Variants in NANS observed in about 807,000 individuals in gnomAD.
The protein encoded by NANS is N-acetylneuraminate synthase, also known as N-acetylneuraminate-9-phosphate synthase.
A neutral mutation model predicts 33.3 loss-of-function variants in NANS; 29 were observed. The ratio of observed to expected loss-of-function variants is 0.87; its 90% CI spans 0.65 to 1.19. The LOEUF (loss-of-function observed/expected upper bound fraction) is 1.19, where lower values mean the gene tolerates loss of function less well. NANS is among the 50% of genes most tolerant of loss of function. The pLI, the probability that NANS is intolerant of heterozygous loss-of-function variation, is 0.00. For synonymous variants in NANS, 163 were observed against 177.2 expected (o/e 0.92, Z 0.64); for missense variants, 394 against 461.1 (o/e 0.85, Z 1.33).
chr9:98,061,034 C>T, intron 2 of NANS, 37 bp downstream of exon 2: 1 of 1,603,374 alleles, frequency 6.2e-7, no homozygotes, highest in African/African-American at 1.3e-5. Context: ...GTCACTTTAG[C>T]AGACCAAGGG....
In NANS at chr9:98,078,250, A is replaced by G; in HGVS notation, c.506A>G (p.Tyr169Cys). 1 of 1,614,158 alleles carries G rather than the reference A, an allele frequency of 6.2e-7. No individual in the cohort carries two copies. The change falls in exon 4 of 6, where the codon TAT becomes TGT. Residue 169 changes from tyrosine (Y) to cysteine (C), a missense_variant. Tyr to Cys is a radical substitution (Grantham distance 194). Coordinates refer to ENST00000210444, the MANE Select transcript of NANS (RefSeq NM_018946.4). ...TCAATGGACACCATGAAGCAAGTTTATCAGATCGTGAAGCCCCTCAACCCC... is the reference window on the plus strand; with the variant it reads ...TCAATGGACACCATGAAGCAAGTTTGTCAGATCGTGAAGCCCCTCAACCCC... ...MQSMDTMKQV[Y>C]QIVKPLNPNF...
intron 2 of NANS, chr9:98,076,536 G>A (rs1224063832): frequency 2.1e-5 from 4 of 192,212 alleles, no homozygotes; most frequent in South Asian, 8.6e-5. Flanking sequence ...CACCACACCC[G>A]GCTAATTTTT....
At chr9:98,077,884 A>T (rs1200364350) in intron 3 of NANS, among the ~76,000 whole-genome samples, 1 of 152,344 alleles carries the variant, frequency 6.6e-6, no homozygotes, top group East Asian at 1.9e-4. Context: ...CTGTACTGCC[A>T]TGGTATACAA....
chr9:98,068,828 T>TA (rs35363398), intron 2 of NANS, among the ~76,000 whole-genome samples: 420 of 143,166 alleles, frequency 2.9e-3, no homozygotes, highest in African/African-American at 7.0e-3. Flanking sequence ...ATCCTGTCTC[T>TA]AAAAAAAAAA....
chr9:98,064,391 T>A (rs1335878138), intron 2 of NANS, among the ~76,000 whole-genome samples: 1 of 152,068 alleles, frequency 6.6e-6, no homozygotes, highest in Non-Finnish European at 1.5e-5. Flanking sequence ...GTAGCTGGGA[T>A]TACAGGCGCC....
At chr9:98,071,918 A>C (rs529127211) in intron 2 of NANS, among the ~76,000 whole-genome samples, 1 of 152,210 alleles carries the variant, frequency 6.6e-6, no homozygotes, top group Non-Finnish European at 1.5e-5. Flanking sequence ...AGGCGGAGTC[A>C]CTTCTTTAGG....
chr9:98,058,068 C>T (rs140142842), intron 1 of NANS, among the ~76,000 whole-genome samples: 4 of 151,536 alleles, frequency 2.6e-5, no homozygotes, highest in Admixed American at 6.6e-5. Flanking sequence ...GACCCACAGG[C>T]GTGAACCACC....
In NANS at chr9:98,056,972, G is replaced by A. The variant is rs529443863; in HGVS notation, c.132+32G>A. The A allele has an allele frequency of 3.6e-5, 55 of 1,545,998 alleles. No individual in the cohort carries two copies. The East Asian group carries it at 4.4e-4, about 12-fold the overall frequency. ...CGGCAGCTCCCGGGACCCGGGATTC[G>A]GGCGCCGGGAGGGGCGGGGCGGGGC... On this transcript the variant is annotated intron_variant, in intron 1 of 5. Coordinates refer to ENST00000210444, the MANE Select transcript of NANS (RefSeq NM_018946.4).
In NANS at chr9:98,074,398, G is replaced by A. The variant is rs111899597; in HGVS notation, c.349-2520G>A. ...CCCGATAGCACGGTCGGCAGGCTAG[G>A]GGAAGTCAAGGAGTCCCTGAAGAGA... On this transcript the variant is annotated intron_variant, in intron 2 of 5. Transcript: ENST00000210444. Among the ~76,000 whole-genome samples, 1,070 of 152,248 alleles carry A rather than the reference G, an allele frequency of 7.0e-3. 8 individuals carry two copies. The highest frequency in any genetic ancestry group is 0.024 in the African/African-American group (1,012 of 41,552).
At chr9:98,082,762 G>A in intron 5 of NANS, 84 bp from the exon 6 acceptor site, 2 of 1,340,660 alleles carry the variant, frequency 1.5e-6, no homozygotes, top group East Asian at 5.0e-5. Flanking sequence ...GGGGAAGACT[G>A]ATCAGGGACC....
intron 5 of NANS, chr9:98,081,515 G>T: frequency 6.0e-6 from 1 of 166,792 alleles, no homozygotes; most frequent in Non-Finnish European, 1.3e-5. Flanking sequence ...CTAAGCCAGG[G>T]TGGCACTGGT....
intron 2 of NANS, among the ~76,000 whole-genome samples, chr9:98,064,969 A>T (rs537986144): frequency 1.2e-4 from 18 of 152,130 alleles, no homozygotes; most frequent in Non-Finnish European, 2.6e-4. Context: ...TTAGTTAGAT[A>T]TATTGCTGAT....
chr9:98,083,032 C>T lies in NANS; in HGVS notation c.1057C>T (p.His353Tyr), dbSNP rs1375374689. 1.2e-6 allele frequency: 2 copies of T among 1,613,640 alleles called. No homozygotes were observed. Among genetic ancestry groups the T allele is most frequent in the Non-Finnish European group, 1.7e-6 (2 of 1,179,930 alleles). The change falls in exon 6 of 6, where the codon CAT becomes TAT. Residue 353 changes from histidine to tyrosine, a missense_variant. His to Tyr is a moderately conservative substitution (Grantham distance 83). Transcript: ENST00000210444. Reference sequence around the variant, plus strand: ...CATCATGGAAGAATTGGTAGATAATCATGGCAAAAAAATCAAGTCTTAAAA... The same window carrying T: ...CATCATGGAAGAATTGGTAGATAATTATGGCAAAAAAATCAAGTCTTAAAA... ...DTIMEELVDN[H>Y]GKKIKS
Position 98,076,953 on chromosome 9 carries a change from A to C in NANS, c.384A>C (p.Pro128=). Residue 128 remains proline (P), a synonymous_variant, in exon 3 of 6, where the codon CCA becomes CCC. Transcript: ENST00000210444. The part of the protein sequence containing the change: ...AVEFLHELNV[P]FFKVGSGDTN... ...AATTCCTGCATGAACTGAATGTTCC[A>C]TTTTTCAAAGTTGGATCTGGAGACA... 6.2e-7 allele frequency: 1 copy of C among 1,612,472 alleles called. No homozygotes were observed. Among genetic ancestry groups the C allele is most frequent in the East Asian group, 2.2e-5 (1 of 44,858 alleles).
intron 2 of NANS, among the ~76,000 whole-genome samples, chr9:98,063,500 C>A (rs573207841): frequency 1.3e-5 from 2 of 152,264 alleles, no homozygotes; most frequent in African/African-American, 4.8e-5. Flanking sequence ...CCTCAGCCTC[C>A]CAAAGTGCTG....
At chr9:98,079,785 C>T (rs963327408) in intron 4 of NANS, among the ~76,000 whole-genome samples, 1 of 152,180 alleles carries the variant, frequency 6.6e-6, no homozygotes, top group African/African-American at 2.4e-5. Context: ...GTTATTCTGC[C>T]AGCCTATCCC....
intron 4 of NANS, among the ~76,000 whole-genome samples, chr9:98,080,229 ATAAC>A (rs1829793292): frequency 6.6e-6 from 1 of 152,186 alleles, no homozygotes; most frequent in Non-Finnish European, 1.5e-5. Flanking sequence ...GAAATAATAA[ATAAC>A]AATAAAATAA....
chr9:98,082,842 A>G lies in NANS; in HGVS notation c.871-4A>G, dbSNP rs370918986. The G allele has an allele frequency of 7.4e-6, 12 of 1,613,714 alleles. No individual in the cohort carries two copies. Among genetic ancestry groups the G allele is most frequent in the African/African-American group, 1.3e-5 (1 of 74,934 alleles). On this transcript the variant is annotated splice_polypyrimidine_tract_variant and splice_region_variant and intron_variant, in intron 5 of 5. Transcript: ENST00000210444. Reference sequence around the variant, plus strand: ...CTGGCACTGAATGTTCATTTTGTCCACAGCTGGGCAAGTCTGTGGTGGCCA... The same window carrying G: ...CTGGCACTGAATGTTCATTTTGTCCGCAGCTGGGCAAGTCTGTGGTGGCCA...
rs771001954 is a variant in NANS, at chr9:98,077,009, C to A, written c.440C>A (p.Ala147Asp). 27 of 1,600,154 alleles carry A rather than the reference C, an allele frequency of 1.7e-5. No individual in the cohort carries two copies. Among genetic ancestry groups the A allele is most frequent in the Admixed American group, 1.0e-4 (6 of 57,502 alleles). Residue 147 changes from alanine to aspartate, a missense_variant, in exon 3 of 6, where the codon GCC (alanine) becomes GAC (aspartate). Coordinates refer to ENST00000210444, the MANE Select transcript of NANS (RefSeq NM_018946.4). ...AATTTTCCTTATCTGGAAAAGACAG[C>A]CAAAAAAGGTAAGTGTCTAATTTTT... is the stretch of plus-strand genomic sequence containing the variant. ...TNNFPYLEKT[A>D]KKGRPMVISS... is the part of the protein sequence containing the mutation.
Sources: allele counts gnomAD v4.1 joint callset (sites outside exome capture counted in the v4.1 genomes callset), GRCh38; gene constraint gnomAD v4.1.1; transcripts MANE v1.5; gene names NCBI Gene and HGNC (gene_info 2026-07-23, HGNC 2026-07-21).